The following ALAS2 variants were observed in gnomAD, a reference collection of about 807,000 sequenced individuals.
ALAS2 encodes the protein 5'-aminolevulinate synthase 2, also known as 5-aminolevulinate synthase, erythroid-specific, mitochondrial.
Under a neutral mutation model 33.7 loss-of-function variants are expected in ALAS2, and 3 were observed. That is an observed-to-expected ratio of 0.09 (90% CI 0.04 to 0.23). The LOEUF is 0.23. Ranked by LOEUF, ALAS2 falls within the 10% of genes least tolerant of loss-of-function variation. The probability of loss-of-function intolerance (pLI) is 1.00; values close to 1 mark genes in which losing one functional copy is unlikely to be tolerated. For missense variants in ALAS2, 304 were observed against 475.1 expected, an observed-to-expected ratio of 0.64 and a Z score of 3.35; for synonymous variants, 191 against 177.3, an observed-to-expected ratio of 1.08 and a Z score of -0.61.
intron 2 of ALAS2, among the ~76,000 whole-genome samples, chrX:55,025,165 A>C (rs1935871293): frequency 9.0e-6 from 1 of 111,429 alleles, no homozygotes; most frequent in Non-Finnish European, 1.9e-5. Flanking sequence ...GGCCAAGCTT[A>C]GTGTCAAATG....
intron 8 of ALAS2, among the ~76,000 whole-genome samples, chrX:55,015,315 G>A (rs928312157): frequency 9.0e-6 from 1 of 110,987 alleles, no homozygotes; most frequent in African/African-American, 3.3e-5. Context: ...GTGGGGGAGG[G>A]GTTTAGAAAC....
chrX:55,016,422 C>T (rs1294879330), intron 7 of ALAS2, among the ~76,000 whole-genome samples: 1 of 111,556 alleles, frequency 9.0e-6, no homozygotes, highest in Non-Finnish European at 1.9e-5. Context: ...ATTATTATCA[C>T]TTACATTTTT....
chrX:55,014,831 C>T lies in ALAS2; in HGVS notation c.1353G>A (p.Gln451=). The change falls in exon 9 of 11, where the codon CAG becomes CAA. Residue 451 remains glutamine, a synonymous_variant. Coordinates refer to ENST00000650242, the MANE Select transcript of ALAS2 (RefSeq NM_000032.5). The stretch of plus-strand genomic sequence containing the variant: ...GCTGGCGCATGTGCTTGACATTGCG[C>T]TGGTGGGCTCGCCTCAGGGCTTGGC... ...EEGQALRRAH[Q]RNVKHMRQLL... 8.3e-7 allele frequency: 1 copy of T among 1,204,611 alleles called. No individual in the cohort carries two copies. The highest frequency in any genetic ancestry group is 1.1e-6 in the Non-Finnish European group (1 of 891,848).
In ALAS2 at chrX:55,013,532, C is replaced by A; in HGVS notation, c.1554G>T (p.Leu518Phe). ...TVPRGEELLR[L>F]APSPHHSPQM... is the part of the protein sequence containing the mutation. ...GAGGGCTGTGGTGGGGGGAGGGTGC[C>A]AAGCGCAGGAGCTCTTCACCCCGGG... The change falls in exon 10 of 11, where the codon TTG (leucine) becomes TTT (phenylalanine). Residue 518 changes from leucine (L) to phenylalanine (F), a missense_variant. Physicochemically the swap from Leu to Phe is conservative, Grantham distance 22. Transcript: ENST00000650242. The A allele has an allele frequency of 2.5e-6, 3 of 1,211,316 alleles. No homozygotes were observed. The highest frequency in any genetic ancestry group is 3.4e-6 in the Non-Finnish European group (3 of 895,348).
Position 55,021,140 on chromosome X carries a change from C to G in ALAS2, c.550G>C (p.Ala184Pro). Residue 184 changes from alanine to proline, a missense_variant, in exon 5 of 11, where the codon GCA (alanine) becomes CCA (proline). Ala to Pro is a conservative substitution (Grantham distance 27). Transcript: ENST00000650242. ...GACACATCCTTTGAGGCCACAGATG[C>G]CTCAGAGAAATGTTGGGCAAAGGGA... is the stretch of plus-strand genomic sequence containing the variant. ...AYPFAQHFSEASVASKDVSVW... is the reference protein window; with the variant it reads ...AYPFAQHFSEPSVASKDVSVW... 8.3e-7 allele frequency: 1 copy of G among 1,211,767 alleles called. No individual in the cohort carries two copies. Among genetic ancestry groups the G allele is most frequent in the Non-Finnish European group, 1.1e-6 (1 of 895,515 alleles).
chrX:55,016,076 G>A (rs112169373), intron 7 of ALAS2, among the ~76,000 whole-genome samples: 7,070 of 106,650 alleles, frequency 0.066, 585 homozygotes, highest in African/African-American at 0.23. Context: ...TTGTCTTTCT[G>A]TTTTTACTTC....
chrX:55,025,774 C>G (rs776497833), intron 2 of ALAS2, 46 bp downstream of exon 2: 2 of 1,175,928 alleles, frequency 1.7e-6, no homozygotes, highest in Non-Finnish European at 2.3e-6. Context: ...GAACTTTTAC[C>G]CCAGGACCCT....
Position 55,013,667 on chromosome X carries a change from C to G in ALAS2, c.1438-19G>C, listed in dbSNP as rs199765340. On this transcript the variant is annotated intron_variant, in intron 9 of 10. Coordinates refer to ENST00000650242, the MANE Select transcript of ALAS2 (RefSeq NM_000032.5). ...TGCCCACCTGGACTCAGGAGAAAGG[C>G]TAATCAGTACCTGCCACTCTGGCTC... The G allele has an allele frequency of 7.1e-4, 852 of 1,207,028 alleles. 8 individuals are homozygous for G. The African/African-American group carries it at 0.011, about 16-fold the overall frequency.
At chrX:55,010,352 T>C (rs993318078) in intron 10 of ALAS2, among the ~76,000 whole-genome samples, 1 of 111,150 alleles carries the variant, frequency 9.0e-6, no homozygotes, top group Non-Finnish European at 1.9e-5. Context: ...AAAACCCGAG[T>C]CAGAAATATC....
Position 55,021,291 on chromosome X carries a change from G to C in ALAS2, c.416-17C>G. 1 of 1,177,226 alleles carries C rather than the reference G, an allele frequency of 8.5e-7. No individual in the cohort carries two copies. The highest frequency in any genetic ancestry group is 1.2e-6 in the Non-Finnish European group (1 of 863,798). ...CATAGTTTCCTGCAGGAGCAGATAT[G>C]AGGATGAAAAGAATTCGTTTTAAGT... On this transcript the variant is annotated splice_polypyrimidine_tract_variant and intron_variant, in intron 4 of 10. Coordinates refer to ENST00000650242, the MANE Select transcript of ALAS2 (RefSeq NM_000032.5).
At position 55,021,302 on chromosome X, in the gene ALAS2, G is replaced by T. The variant is rs755781232; in HGVS notation, c.416-28C>A. The T allele has an allele frequency of 4.8e-5, 55 of 1,152,013 alleles. No individual in the cohort carries two copies. In the Middle Eastern group the frequency reaches 7.3e-4, roughly 15 times the overall value. 94.9% of individuals were successfully genotyped at this position (1,152,013 alleles called of 1,213,427 possible). Reference sequence around the variant, plus strand: ...GCAGGAGCAGATATGAGGATGAAAAGAATTCGTTTTAAGTCTCTCCCTGGC... The same window carrying T: ...GCAGGAGCAGATATGAGGATGAAAATAATTCGTTTTAAGTCTCTCCCTGGC... On this transcript the variant is annotated intron_variant, in intron 4 of 10. Transcript: ENST00000650242.
At chrX:55,016,380 A>G (rs1273106918) in intron 7 of ALAS2, among the ~76,000 whole-genome samples, 3 of 111,622 alleles carry the variant, frequency 2.7e-5, no homozygotes, top group Non-Finnish European at 3.8e-5. Context: ...TTTCTTACAT[A>G]TATTAACTCA....
intron 6 of ALAS2, 46 bp from the exon 7 acceptor site, chrX:55,017,711 C>T (rs1406511959): frequency 8.6e-7 from 1 of 1,164,791 alleles, no homozygotes. Flanking sequence ...CCCAGTACTC[C>T]CACTTCAACC....
intron 1 of ALAS2, among the ~76,000 whole-genome samples, chrX:55,028,576 G>A (rs12397173): frequency 2.7e-5 from 3 of 111,401 alleles, no homozygotes; most frequent in East Asian, 2.8e-4. Context: ...GGGGCTTTTG[G>A]CCATGATATG....
chrX:55,017,953 T>G (rs1935733399), intron 6 of ALAS2, among the ~76,000 whole-genome samples: 1 of 111,518 alleles, frequency 9.0e-6, no homozygotes, highest in Non-Finnish European at 1.9e-5. Context: ...GCTTCAGAGT[T>G]TTTTGAGGAC....
In ALAS2 at chrX:55,013,472, T is replaced by C. The variant is rs189657739; in HGVS notation, c.1600+14A>G. 1.7e-6 allele frequency: 2 copies of C among 1,203,322 alleles called. No homozygotes were observed. Among genetic ancestry groups the C allele is most frequent in the East Asian group, 3.0e-5 (1 of 33,706 alleles). On this transcript the variant is annotated intron_variant, in intron 10 of 10. Transcript: ENST00000650242. ...GGGAGGGAGGTCCTGTAGGCACCCA[T>C]GTTGAGAACTTACCCACAAAATCTT... is the stretch of plus-strand genomic sequence containing the variant.
At chrX:55,013,231 T>C (rs1935633439) in intron 10 of ALAS2, among the ~76,000 whole-genome samples, 1 of 111,765 alleles carries the variant, frequency 8.9e-6, no homozygotes, top group Non-Finnish European at 1.9e-5. Flanking sequence ...AACTCTATCA[T>C]GCACTGCCTT....
chrX:55,020,041 T>C (rs1204098406), intron 6 of ALAS2, among the ~76,000 whole-genome samples: 1 of 111,575 alleles, frequency 9.0e-6, no homozygotes, highest in Non-Finnish European at 1.9e-5. Flanking sequence ...ACTATGTATG[T>C]GTGTTAAGAG....
chrX:55,020,377 A>T lies in ALAS2; in HGVS notation c.766T>A (p.Ser256Thr). 1 of 1,208,838 alleles carries T rather than the reference A, an allele frequency of 8.3e-7. No individual in the cohort carries two copies. The highest frequency in any genetic ancestry group is 1.1e-6 in the Non-Finnish European group (1 of 894,280). ...GAGTCATTGGCAACAAAGCAGGAGG[A>T]GAAGAGCAGGGCTGAGTCCTTCTGG... is the stretch of plus-strand genomic sequence containing the variant. ...LHQKDSALLF[S>T]SCFVANDSTL... is the part of the protein sequence containing the mutation. The change falls in exon 6 of 11, where the codon TCC (serine) becomes ACC (threonine). Residue 256 changes from serine to threonine, a missense_variant. Physicochemically the swap from Ser to Thr is moderately conservative, Grantham distance 58 (BLOSUM62 1). Around this residue, in one of 3 missense-constraint regions of ALAS2, gnomAD observed 138 missense variants for 265.3 expected, o/e 0.52. Transcript: ENST00000650242.
Sources: allele counts gnomAD v4.1 joint callset (sites outside exome capture counted in the v4.1 genomes callset), GRCh38; gene constraint gnomAD v4.1.1; regional missense constraint gnomAD v4.1.1; transcripts MANE v1.5; gene names NCBI Gene and HGNC (gene_info 2026-07-23, HGNC 2026-07-21).